Variants in PIP4K2A observed in about 807,000 individuals in gnomAD.
The protein encoded by PIP4K2A is phosphatidylinositol 5-phosphate 4-kinase type-2 alpha.
PIP4K2A carries 14 observed loss-of-function variants against 42.9 expected under a neutral mutation model. The ratio of observed to expected loss-of-function variants is 0.33; its 90% CI spans 0.22 to 0.51. PIP4K2A has a LOEUF of 0.51. Among genes scored for constraint, PIP4K2A ranks in the 20% least tolerant of loss-of-function variants. The pLI is 0.97. For missense variants in PIP4K2A, 434 were observed against 519.8 expected (o/e 0.83, Z 1.61); for synonymous variants, 192 against 192.2 (o/e 1.00, Z 0.01).
chr10:22,599,925 G>A (rs975172043), intron 3 of PIP4K2A, among the ~76,000 whole-genome samples: 9 of 152,164 alleles, frequency 5.9e-5, no homozygotes, highest in African/African-American at 1.9e-4. Flanking sequence ...CTTAAGAAAA[G>A]GATTAACGAT....
intron 3 of PIP4K2A, among the ~76,000 whole-genome samples, chr10:22,604,432 G>T (rs554616910): frequency 6.6e-6 from 1 of 151,876 alleles, no homozygotes; most frequent in East Asian, 1.9e-4. Context: ...GAATGGAAAG[G>T]TCTGAATACG....
intron 1 of PIP4K2A, among the ~76,000 whole-genome samples, chr10:22,698,013 G>T (rs926627176): frequency 1.3e-5 from 2 of 152,188 alleles, no homozygotes; most frequent in Non-Finnish European, 2.9e-5. Context: ...ACCAACCACA[G>T]ACAGTGGACA....
chr10:22,610,565 G>T (rs1838009233), intron 1 of PIP4K2A, among the ~76,000 whole-genome samples: 1 of 152,208 alleles, frequency 6.6e-6, no homozygotes, highest in Non-Finnish European at 1.5e-5. Context: ...AAAAGAATGA[G>T]CTGCTTGATA....
chr10:22,711,517 C>A (rs1027863383), intron 1 of PIP4K2A, among the ~76,000 whole-genome samples: 2 of 152,242 alleles, frequency 1.3e-5, no homozygotes, highest in African/African-American at 4.8e-5. Context: ...AAAACAGAAT[C>A]TTGAGTTAGA....
intron 1 of PIP4K2A, among the ~76,000 whole-genome samples, chr10:22,666,607 G>A (rs1203435219): frequency 6.6e-6 from 1 of 152,156 alleles, no homozygotes; most frequent in African/African-American, 2.4e-5. Context: ...TCAACATCCT[G>A]CAGCTGGCTT....
chr10:22,652,322 T>C (rs973756618), intron 1 of PIP4K2A, among the ~76,000 whole-genome samples: 2 of 152,110 alleles, frequency 1.3e-5, no homozygotes, highest in Non-Finnish European at 2.9e-5. Context: ...GGTTTCACCA[T>C]GTTGCCCAGG....
At chr10:22,664,102 T>TACATATATATACATATATATATAC (rs1839275898) in intron 1 of PIP4K2A, among the ~76,000 whole-genome samples, 1 of 86,668 alleles carries the variant, frequency 1.2e-5, no homozygotes, top group Non-Finnish European at 1.9e-5. Flanking sequence ...TATATATATA[T>TACATATATATACATATATATATAC]ACATATATAT....
At chr10:22,612,733 T>G (rs984086936) in intron 1 of PIP4K2A, among the ~76,000 whole-genome samples, 3 of 151,816 alleles carry the variant, frequency 2.0e-5, no homozygotes, top group Non-Finnish European at 2.9e-5. Context: ...GGGAAGCTGG[T>G]GGGTCCAACG....
chr10:22,561,201 GTTA>G (rs1832729494), intron 6 of PIP4K2A, among the ~76,000 whole-genome samples: 1 of 152,040 alleles, frequency 6.6e-6, no homozygotes, highest in Admixed American at 6.5e-5. Context: ...TTTGACAATG[GTTA>G]TTTTTTTTTA....
chr10:22,585,627 G>C (rs985154716), intron 4 of PIP4K2A, among the ~76,000 whole-genome samples: 3 of 107,384 alleles, frequency 2.8e-5, no homozygotes, highest in African/African-American at 1.1e-4. Flanking sequence ...TTTTTTTTTT[G>C]AGACAGAATC....
intron 7 of PIP4K2A, among the ~76,000 whole-genome samples, chr10:22,547,111 T>A (rs565582798): frequency 6.6e-6 from 1 of 152,208 alleles, no homozygotes; most frequent in Non-Finnish European, 1.5e-5. Flanking sequence ...AGTCTAAGAC[T>A]ATCCTTCACA....
intron 4 of PIP4K2A, among the ~76,000 whole-genome samples, chr10:22,587,374 G>A (rs1837420174): frequency 2.0e-5 from 3 of 152,112 alleles, no homozygotes; most frequent in South Asian, 2.1e-4. Flanking sequence ...GTCTAGATTC[G>A]GAAGGTTCAG....
At chr10:22,578,097 A>ATG (rs2130802565) in intron 4 of PIP4K2A, among the ~76,000 whole-genome samples, 1 of 152,356 alleles carries the variant, frequency 6.6e-6, no homozygotes, top group East Asian at 1.9e-4. Flanking sequence ...AATGATGCAA[A>ATG]TGTGGTAAAA....
At chr10:22,589,815 G>A (rs926151175) in intron 4 of PIP4K2A, among the ~76,000 whole-genome samples, 1 of 152,172 alleles carries the variant, frequency 6.6e-6, no homozygotes, top group Non-Finnish European at 1.5e-5. Context: ...AGGACCTGCG[G>A]CACTTTATTT....
intron 6 of PIP4K2A, among the ~76,000 whole-genome samples, chr10:22,555,420 G>A (rs541208003): frequency 9.2e-5 from 14 of 152,326 alleles, no homozygotes; most frequent in African/African-American, 2.2e-4. Flanking sequence ...TACAAACGTC[G>A]TTATATGCTA....
At chr10:22,608,376 G>A (rs1004062076) in intron 2 of PIP4K2A, among the ~76,000 whole-genome samples, 2 of 152,192 alleles carry the variant, frequency 1.3e-5, no homozygotes, top group African/African-American at 4.8e-5. Flanking sequence ...GTTAGGAAGA[G>A]GCAGCGGAGC....
intron 1 of PIP4K2A, among the ~76,000 whole-genome samples, chr10:22,624,881 T>G (rs551051615): frequency 1.3e-5 from 2 of 152,368 alleles, no homozygotes; most frequent in East Asian, 3.9e-4. Context: ...TGAAAACTTT[T>G]ATATCAGCAC....
intron 3 of PIP4K2A, among the ~76,000 whole-genome samples, chr10:22,596,205 C>A (rs1410121211): frequency 2.5e-3 from 173 of 69,646 alleles, no homozygotes; most frequent in Middle Eastern, 0.011. Context: ...AACTCCGTCT[C>A]AAAAAAAAAA....
At chr10:22,590,925 G>C (rs149710105) in intron 4 of PIP4K2A, among the ~76,000 whole-genome samples, 1,529 of 152,326 alleles carry the variant, frequency 0.01, 17 homozygotes, top group Non-Finnish European at 0.015. Flanking sequence ...GCTGGGATTT[G>C]AGCCCAGGAT....
Sources: allele counts gnomAD v4.1 joint callset (sites outside exome capture counted in the v4.1 genomes callset), GRCh38; gene constraint gnomAD v4.1.1; transcripts MANE v1.5; gene names NCBI Gene and HGNC (gene_info 2026-07-23, HGNC 2026-07-21).